RAB22A: variants seen among roughly 807,000 people sequenced by gnomAD.
RAB22A encodes the protein ras-related protein Rab-22A.
A neutral mutation model predicts 30.2 loss-of-function variants in RAB22A; 13 were observed. The ratio of observed to expected loss-of-function variants is 0.43; its 90% confidence interval spans 0.28 to 0.68. RAB22A has a LOEUF of 0.68. Among genes scored for constraint, RAB22A ranks in the 30% least tolerant of loss-of-function variants. The probability of loss-of-function intolerance (pLI) is 0.18; values close to 1 mark genes in which losing one functional copy is unlikely to be tolerated. For missense variants in RAB22A, 177 were observed against 246.8 expected, an observed-to-expected ratio of 0.72 and a Z score of 1.89; for synonymous variants, 89 against 87.2, an observed-to-expected ratio of 1.02 and a Z score of -0.11.
intron 2 of RAB22A, among the ~76,000 whole-genome samples, chr20:58,342,151 G>T (rs917121900): frequency 6.6e-6 from 1 of 152,200 alleles, no homozygotes; most frequent in Non-Finnish European, 1.5e-5. Context: ...TCCTAAGTGA[G>T]AAACCATGTT....
chr20:58,330,409 T>C (rs1211294499), intron 2 of RAB22A, among the ~76,000 whole-genome samples: 1 of 152,214 alleles, frequency 6.6e-6, no homozygotes, highest in Non-Finnish European at 1.5e-5. Flanking sequence ...ATCTGCTCAT[T>C]CCAGCGTCTG....
intron 3 of RAB22A, among the ~76,000 whole-genome samples, chr20:58,351,517 A>G (rs1489773632): frequency 2.0e-5 from 3 of 152,098 alleles, no homozygotes; most frequent in African/African-American, 4.8e-5. Flanking sequence ...TTTTAAAAGA[A>G]ATGGAACAGA....
At chr20:58,316,378 C>T (rs557336425) in intron 2 of RAB22A, among the ~76,000 whole-genome samples, 1 of 152,272 alleles carries the variant, frequency 6.6e-6, no homozygotes, top group East Asian at 1.9e-4. Context: ...AGACTCCTGC[C>T]CATTTGCATT....
intron 2 of RAB22A, among the ~76,000 whole-genome samples, chr20:58,333,692 T>C (rs1986698461): frequency 1.3e-5 from 2 of 152,300 alleles, no homozygotes; most frequent in South Asian, 4.1e-4. Context: ...ATGCATACTG[T>C]AATCTCTAGA....
At chr20:58,338,451 G>T (rs1433302905) in intron 2 of RAB22A, among the ~76,000 whole-genome samples, 2 of 152,198 alleles carry the variant, frequency 1.3e-5, no homozygotes, top group Non-Finnish European at 2.9e-5. Context: ...ACAGTCCGTT[G>T]TGCACCACTC....
chr20:58,347,344 C>G (rs1986967764), intron 3 of RAB22A, among the ~76,000 whole-genome samples: 1 of 152,146 alleles, frequency 6.6e-6, no homozygotes, highest in African/African-American at 2.4e-5. Flanking sequence ...AAGCCCTTGA[C>G]AGTAGGGATC....
At chr20:58,348,263 A>G (rs1462812021) in intron 3 of RAB22A, among the ~76,000 whole-genome samples, 1 of 152,174 alleles carries the variant, frequency 6.6e-6, no homozygotes, top group Non-Finnish European at 1.5e-5. Context: ...TCTAATAGAC[A>G]TTGCATCCAG....
At chr20:58,341,413 C>T (rs1432987424) in intron 2 of RAB22A, among the ~76,000 whole-genome samples, 2 of 151,976 alleles carry the variant, frequency 1.3e-5, no homozygotes, top group Non-Finnish European at 2.9e-5. Context: ...GGTGGAGAGG[C>T]TGTTGGGGCT....
intron 1 of RAB22A, among the ~76,000 whole-genome samples, 182 bp downstream of exon 1, chr20:58,310,194 C>G (rs1171139060): frequency 6.6e-6 from 1 of 152,102 alleles, no homozygotes; most frequent in Non-Finnish European, 1.5e-5. Context: ...CGAAAAGGTC[C>G]TGGAGGCCGA....
chr20:58,312,440 T>C (rs550272882), intron 2 of RAB22A, among the ~76,000 whole-genome samples: 2 of 146,960 alleles, frequency 1.4e-5, no homozygotes, highest in Non-Finnish European at 3.0e-5. Flanking sequence ...TTAGTAGAGA[T>C]AGAGTTGCAC....
intron 3 of RAB22A, 77 bp downstream of exon 3, chr20:58,343,876 A>T: frequency 8.8e-7 from 1 of 1,136,138 alleles, no homozygotes; most frequent in Non-Finnish European, 1.3e-6. Flanking sequence ...CATCCCTGTC[A>T]TCTCACGTTA....
intron 2 of RAB22A, among the ~76,000 whole-genome samples, chr20:58,312,667 A>G (rs1028619708): frequency 1.5e-4 from 23 of 149,428 alleles, no homozygotes; most frequent in Non-Finnish European, 2.8e-4. Context: ...TTTTTTTTGT[A>G]TTTTTAGTAG....
At chr20:58,311,690 A>G (rs1396255278) in intron 2 of RAB22A, among the ~76,000 whole-genome samples, 1 of 152,242 alleles carries the variant, frequency 6.6e-6, no homozygotes, top group Non-Finnish European at 1.5e-5. Flanking sequence ...TCCTTTGACT[A>G]CATAAGAAGT....
In RAB22A at chr20:58,361,139, A is replaced by T. The variant is rs1987218597; in HGVS notation, c.*1436A>T. On this transcript the variant is annotated 3_prime_UTR_variant, in exon 7 of 7. Coordinates refer to ENST00000244040, the MANE Select transcript of RAB22A (RefSeq NM_020673.3). ...AAGCATTGAAGTGAAGTTGGTGAAA[A>T]TTTGTTCCTGGTCTAATTTGGCACC... is the stretch of plus-strand genomic sequence containing the variant. 6.6e-6 allele frequency: 1 copy of T among 152,590 alleles called. No homozygotes were observed. The highest frequency in any genetic ancestry group is 1.5e-5 in the Non-Finnish European group (1 of 68,032). The allele number at this position is 152,590 out of a possible 1,614,324, so 9.5% of individuals were successfully genotyped here. A position where few individuals can be genotyped will look rare whatever the true frequency, so the allele number is the denominator to read the frequency against.
intron 2 of RAB22A, among the ~76,000 whole-genome samples, chr20:58,342,847 C>T (rs2122958720): frequency 6.6e-6 from 1 of 152,134 alleles, no homozygotes; most frequent in South Asian, 2.1e-4. Flanking sequence ...GGGCCCAATC[C>T]CAGGGCAAGA....
At chr20:58,326,864 T>C (rs999583736) in intron 2 of RAB22A, among the ~76,000 whole-genome samples, 3 of 152,174 alleles carry the variant, frequency 2.0e-5, no homozygotes, top group African/African-American at 7.2e-5. Context: ...ACTGAATAAG[T>C]GGTGAGAGCC....
intron 2 of RAB22A, among the ~76,000 whole-genome samples, chr20:58,325,784 C>G (rs934257723): frequency 1.3e-5 from 2 of 152,038 alleles, no homozygotes; most frequent in African/African-American, 4.8e-5. Context: ...GGTAAATGTT[C>G]CATGTTTATT....
intron 2 of RAB22A, among the ~76,000 whole-genome samples, chr20:58,320,329 G>T (rs1986427829): frequency 6.6e-6 from 1 of 152,046 alleles, no homozygotes; most frequent in Non-Finnish European, 1.5e-5. Flanking sequence ...TGGTAGTTGT[G>T]TCCTTCAAGG....
intron 2 of RAB22A, among the ~76,000 whole-genome samples, chr20:58,328,128 T>C (rs959884522): frequency 1.3e-5 from 2 of 152,212 alleles, no homozygotes; most frequent in Non-Finnish European, 2.9e-5. Flanking sequence ...GGCAACTCAC[T>C]ATCAAATGGG....
Sources: allele counts gnomAD v4.1 joint callset (sites outside exome capture counted in the v4.1 genomes callset), GRCh38; gene constraint gnomAD v4.1.1; transcripts MANE v1.5; gene names NCBI Gene and HGNC (gene_info 2026-07-23, HGNC 2026-07-21).